Variants in TRPM7 observed in about 807,000 individuals in gnomAD.
TRPM7 encodes the protein transient receptor potential cation channel subfamily M member 7.
A neutral mutation model predicts 229.7 loss-of-function variants in TRPM7; 134 were observed. The observed-to-expected ratio is 0.58, with a 90% CI of 0.51 to 0.67. TRPM7 has a LOEUF of 0.67. Ranked by LOEUF, TRPM7 falls within the 30% of genes least tolerant of loss-of-function variation. The probability of loss-of-function intolerance (pLI) is 0.00; values close to 1 mark genes in which losing one functional copy is unlikely to be tolerated. For synonymous variants in TRPM7, 699 were observed against 715.2 expected, an observed-to-expected ratio of 0.98 and a Z score of 0.36; for missense variants, 1,901 against 2,210.0, an observed-to-expected ratio of 0.86 and a Z score of 2.80.
intron 1 of TRPM7, among the ~76,000 whole-genome samples, chr15:50,673,350 G>A (rs1215708374): frequency 1.3e-5 from 2 of 152,174 alleles, no homozygotes; most frequent in Non-Finnish European, 2.9e-5. Flanking sequence ...TGACTTGTGA[G>A]ATTTTGGTGC....
chr15:50,592,659 G>A (rs773507673), intron 25 of TRPM7, 33 bp from the exon 26 acceptor site: 1 of 1,394,982 alleles, frequency 7.2e-7, no homozygotes, highest in Non-Finnish European at 9.6e-7. Flanking sequence ...TTTTACAAAT[G>A]TGAAAAAATA....
At chr15:50,575,941 C>T (rs371062325) in intron 31 of TRPM7, 22 bp from the exon 32 acceptor site, 194 of 1,610,510 alleles carry the variant, frequency 1.2e-4, no homozygotes, top group Non-Finnish European at 1.4e-4. Context: ...AATAAACAAA[C>T]GAGACCATTT....
chr15:50,587,229 T>C (rs943926806), intron 27 of TRPM7, among the ~76,000 whole-genome samples: 25 of 152,246 alleles, frequency 1.6e-4, no homozygotes, highest in African/African-American at 5.8e-4. Flanking sequence ...TTGTATGAGC[T>C]ATTTATACAA....
In TRPM7 at chr15:50,657,819, T is replaced by G. The variant is rs1419188309; in HGVS notation, c.84A>C (p.Arg28Ser). 6.2e-7 allele frequency: 1 copy of G among 1,610,970 alleles called. No homozygotes were observed. Among genetic ancestry groups the G allele is most frequent in the Admixed American group, 1.7e-5 (1 of 59,962 alleles). ...GACAAATTTGACATCCTGGAAGGCA[T>G]CTATTGAACACAAAAAGGTAAATAA... Reference protein sequence around the residue: ...YIIPSSKDPHRCLPGCQICQQ... With the variant: ...YIIPSSKDPHSCLPGCQICQQ... Residue 28 changes from arginine to serine, a missense_variant and splice_region_variant, in exon 3 of 39, where the codon AGA (arginine) becomes AGC (serine). This residue lies in a region of TRPM7 where 794 missense variants were observed against 881.9 expected (regional missense o/e 0.90). Transcript: ENST00000646667.
At chr15:50,640,398 T>G (rs1268372104) in intron 5 of TRPM7, among the ~76,000 whole-genome samples, 2 of 151,360 alleles carry the variant, frequency 1.3e-5, no homozygotes, top group African/African-American at 4.9e-5. Context: ...CACCTCAGCC[T>G]CCCAAGTAGC....
chr15:50,671,390 T>C (rs1002715427), intron 1 of TRPM7, among the ~76,000 whole-genome samples: 8 of 152,196 alleles, frequency 5.3e-5, no homozygotes, highest in African/African-American at 1.7e-4. Flanking sequence ...CAGAATTTCC[T>C]TCTTTAAGAT....
At chr15:50,633,060 A>G in intron 8 of TRPM7, 68 bp from the exon 9 acceptor site, 2 of 1,432,480 alleles carry the variant, frequency 1.4e-6, no homozygotes, top group Non-Finnish European at 1.9e-6. Context: ...TATGAAGTAC[A>G]GGTAGATCCA....
intron 29 of TRPM7, 77 bp downstream of exon 29, chr15:50,583,012 T>A (rs2054497147): frequency 9.0e-7 from 1 of 1,107,990 alleles, no homozygotes; most frequent in Non-Finnish European, 1.2e-6. Context: ...GTCCCAAATA[T>A]CACCACTTTG....
At chr15:50,637,315 T>C in intron 7 of TRPM7, 107 bp downstream of exon 7, 5 of 1,005,490 alleles carry the variant, frequency 5.0e-6, no homozygotes, top group Non-Finnish European at 7.3e-6. Flanking sequence ...TATGTTATCT[T>C]GCTATGTAAG....
At position 50,682,246 on chromosome 15, in the gene TRPM7, A is replaced by G. The variant is rs567897136; in HGVS notation, c.3+4285T>C. Reference sequence around the variant, plus strand: ...AGTCAAGTCTTGACTTATCAACTTCAAAAAACTGCTTACCTCCACACACCA... The same window carrying G: ...AGTCAAGTCTTGACTTATCAACTTCGAAAAACTGCTTACCTCCACACACCA... On this transcript the variant is annotated intron_variant, in intron 1 of 38. Coordinates refer to ENST00000646667, the MANE Select transcript of TRPM7 (RefSeq NM_017672.6). Among the ~76,000 whole-genome samples, 6 of 151,068 alleles carry G rather than the reference A, an allele frequency of 4.0e-5. No homozygotes were observed. In the South Asian group the frequency reaches 1.3e-3, roughly 32 times the overall value.
At chr15:50,580,844 C>A in intron 30 of TRPM7, 30 bp downstream of exon 30, 1 of 1,573,694 alleles carries the variant, frequency 6.4e-7, no homozygotes, top group Admixed American at 2.0e-5. Flanking sequence ...TGATACTTCG[C>A]AAGCTAATGG....
chr15:50,579,481 A>T (rs1221877139), intron 30 of TRPM7, among the ~76,000 whole-genome samples: 1 of 152,214 alleles, frequency 6.6e-6, no homozygotes, highest in Non-Finnish European at 1.5e-5. Flanking sequence ...GCCTGCTGCT[A>T]ATCAATCACT....
intron 9 of TRPM7, 110 bp downstream of exon 9, chr15:50,632,759 A>C (rs2292174): frequency 9.4e-6 from 10 of 1,066,430 alleles, no homozygotes; most frequent in Non-Finnish European, 1.1e-5. Context: ...TAAAGATTTC[A>C]AAGTTTAAAA....
rs1424679616 is a variant in TRPM7 at position 50,628,162 on chromosome 15, C to T, written c.1292G>A (p.Gly431Glu). 1 of 1,610,628 alleles carries T rather than the reference C, an allele frequency of 6.2e-7. No homozygotes were observed. Among genetic ancestry groups the T allele is most frequent in the Admixed American group, 1.7e-5 (1 of 59,946 alleles). ...DIAKNHVFVY[G>E]QQWLVGSLEQ... is the part of the protein sequence containing the mutation. ...TTATTTACATACCAGCCACTGCTGT[C>T]CATAAACAAATACATGATTTTTGGC... Residue 431 changes from glycine to glutamate, a missense_variant, in exon 11 of 39, where the codon GGA becomes GAA. Coordinates refer to ENST00000646667, the MANE Select transcript of TRPM7 (RefSeq NM_017672.6).
At position 50,633,974 on chromosome 15, in the gene TRPM7, C is replaced by T. The variant is rs531232732; in HGVS notation, c.1007+408G>A. Among the ~76,000 whole-genome samples the T allele has an allele frequency of 3.4e-4, 52 of 152,232 alleles. 1 individual carries two copies. The South Asian group carries it at 0.011, about 31-fold the overall frequency. On this transcript the variant is annotated intron_variant, in intron 8 of 38. Coordinates refer to ENST00000646667, the MANE Select transcript of TRPM7 (RefSeq NM_017672.6). ...TTAACATTTTCATGTTCATAAAACA[C>T]AGGGAGGAATCCAACACTGTATTCT...
In TRPM7 at chr15:50,577,321, G is replaced by A. The variant is rs529541119; in HGVS notation, c.4618+1318C>T. On this transcript the variant is annotated intron_variant, in intron 31 of 38. Transcript: ENST00000646667. ...TCTCAGCACTTTGGGAGGTGGAGGTGGGCAGATCATGAGGTCAGGAGTTAG... is the reference window on the plus strand; with the variant it reads ...TCTCAGCACTTTGGGAGGTGGAGGTAGGCAGATCATGAGGTCAGGAGTTAG... Among the ~76,000 whole-genome samples, 17 of 152,174 alleles carry A rather than the reference G, an allele frequency of 1.1e-4. No individual in the cohort carries two copies. In the South Asian group the frequency reaches 3.5e-3, roughly 32 times the overall value.
Position 50,574,314 on chromosome 15 carries a change from G to GT in TRPM7, c.5267dup (p.Tyr1756Ter), listed in dbSNP as rs768639283. 3.7e-6 allele frequency: 6 copies of GT among 1,613,772 alleles called. No homozygotes were observed. Among genetic ancestry groups the GT allele is most frequent in the Admixed American group, 3.3e-5 (2 of 59,978 alleles). The change falls in exon 36 of 39, where the codon TAC becomes TAAC. Residue 1756 changes from tyrosine to a stop codon, truncating the protein, a stop_gained and frameshift_variant. Coordinates refer to ENST00000646667, the MANE Select transcript of TRPM7 (RefSeq NM_017672.6). LOFTEE classifies it high-confidence loss of function. ...CCAGTAACTCCCCTCTTGTATATTC[G>GT]TAAGTCCAGTGGCTAAAGGCTAGCA... ...EIMLAFSHWT[Y>*]EYTRGELLVL... is the part of the protein sequence containing the mutation.
chr15:50,568,138 A>T (rs1317492258), intron 38 of TRPM7, among the ~76,000 whole-genome samples: 1 of 147,116 alleles, frequency 6.8e-6, no homozygotes, highest in Non-Finnish European at 1.5e-5. Context: ...AAAAACAAGG[A>T]GTAGAAGGAA....
intron 27 of TRPM7, among the ~76,000 whole-genome samples, chr15:50,588,504 G>C (rs924595417): frequency 2.0e-5 from 3 of 152,260 alleles, no homozygotes; most frequent in Admixed American, 6.5e-5. Context: ...ATGTAGGGTA[G>C]TAAGTAATAT....
Sources: allele counts gnomAD v4.1 joint callset (sites outside exome capture counted in the v4.1 genomes callset), GRCh38; gene constraint gnomAD v4.1.1; regional missense constraint gnomAD v4.1.1; transcripts MANE v1.5; gene names NCBI Gene and HGNC (gene_info 2026-07-23, HGNC 2026-07-21).